TALDO1: variants seen among roughly 807,000 people sequenced by gnomAD.
TALDO1 encodes transaldolase.
In TALDO1, 29 loss-of-function variants were observed where a neutral mutation model predicts 38.1. The observed-to-expected ratio is 0.76, with a 90% CI of 0.57 to 1.04. The LOEUF (loss-of-function observed/expected upper bound fraction) is 1.04, where lower values mean the gene tolerates loss of function less well. TALDO1 is among the 50% of genes least tolerant of loss of function. The probability of loss-of-function intolerance (pLI) is 0.00; values close to 1 mark genes in which losing one functional copy is unlikely to be tolerated. For missense variants in TALDO1, 499 were observed against 438.1 expected (o/e 1.14, Z -1.24); for synonymous variants, 207 against 176.8 (o/e 1.17, Z -1.36).
chr11:756,732 G>A (rs1419803176), intron 2 of TALDO1, among the ~76,000 whole-genome samples: 7 of 152,020 alleles, frequency 4.6e-5, no homozygotes, highest in Non-Finnish European at 1.0e-4. Context: ...TGGCCAGGCC[G>A]GTCTCGAACT....
chr11:753,756 AAT>A (rs1308829766), intron 1 of TALDO1, among the ~76,000 whole-genome samples: 5 of 151,126 alleles, frequency 3.3e-5, no homozygotes, highest in Non-Finnish European at 7.4e-5. Flanking sequence ...CAAGTACAAA[AAT>A]TAGCCAGGCA....
chr11:764,887 G>A lies in TALDO1; in HGVS notation c.*42G>A. 6.2e-7 allele frequency: 1 copy of A among 1,613,578 alleles called. No homozygotes were observed. Among genetic ancestry groups the A allele is most frequent in the Non-Finnish European group, 8.5e-7 (1 of 1,179,932 alleles). Reference sequence around the variant, plus strand: ...GACTCCAGATCTGCACCGCCGGCCAGCTGGGATCTGACTGCACGTGGCTTC... The same window carrying A: ...GACTCCAGATCTGCACCGCCGGCCAACTGGGATCTGACTGCACGTGGCTTC... On this transcript the variant is annotated 3_prime_UTR_variant, in exon 8 of 8. Transcript: ENST00000319006.
chr11:758,008 G>A (rs1444411565), intron 2 of TALDO1, among the ~76,000 whole-genome samples: 1 of 152,258 alleles, frequency 6.6e-6, no homozygotes. Flanking sequence ...CATGGGCCAG[G>A]CGTGGTGGCT....
chr11:764,039 C>G, intron 6 of TALDO1, 95 bp downstream of exon 6: 1 of 1,477,750 alleles, frequency 6.8e-7, no homozygotes, highest in Non-Finnish European at 9.1e-7. Context: ...ACCTGTGGGG[C>G]GAGCTCATCT....
At chr11:748,149 A>T (rs963329034) in intron 1 of TALDO1, among the ~76,000 whole-genome samples, 1 of 152,210 alleles carries the variant, frequency 6.6e-6, no homozygotes, top group African/African-American at 2.4e-5. Context: ...GGTCAGCGAG[A>T]TGCAATTTTG....
At chr11:749,461 T>G (rs1227145265) in intron 1 of TALDO1, among the ~76,000 whole-genome samples, 2 of 151,754 alleles carry the variant, frequency 1.3e-5, no homozygotes, top group Admixed American at 1.3e-4. Context: ...TTAATGAATA[T>G]TAACAAAAAA....
At position 762,801 on chromosome 11, in the gene TALDO1, C is replaced by T. The variant is rs147192540; in HGVS notation, c.462-543C>T. ...CAAGTGGCCTAGTGAGGCCAAGGGGCTCCTCTCAGCAGAAACCAGGGTGCT... is the reference window on the plus strand; with the variant it reads ...CAAGTGGCCTAGTGAGGCCAAGGGGTTCCTCTCAGCAGAAACCAGGGTGCT... On this transcript the variant is annotated intron_variant, in intron 4 of 7. Transcript: ENST00000319006. 9.6e-3 allele frequency among the ~76,000 whole-genome samples: 1,467 copies of T among 152,352 alleles called. 7 individuals carry two copies. The highest frequency in any genetic ancestry group is 0.015 in the Non-Finnish European group (993 of 68,028).
At chr11:759,860 G>GT (rs1862901472) in intron 3 of TALDO1, among the ~76,000 whole-genome samples, 2 of 152,232 alleles carry the variant, frequency 1.3e-5, no homozygotes, top group Non-Finnish European at 2.9e-5. Context: ...GATTACAGGC[G>GT]TGAGCCACGG....
intron 1 of TALDO1, among the ~76,000 whole-genome samples, chr11:755,135 C>CCT (rs1862810737): frequency 1.8e-4 from 11 of 59,650 alleles, no homozygotes; most frequent in African/African-American, 7.5e-4. Flanking sequence ...TCCCCTTGGC[C>CCT]TTTTTTTTTT....
intron 1 of TALDO1, chr11:752,459 G>A (rs1172073521): frequency 6.6e-6 from 1 of 152,276 alleles, no homozygotes; most frequent in East Asian, 1.9e-4. Flanking sequence ...AGGAAGGAAT[G>A]TTGCACGGAG....
chr11:753,355 C>A (rs1459058860), intron 1 of TALDO1, among the ~76,000 whole-genome samples: 4 of 151,922 alleles, frequency 2.6e-5, no homozygotes, highest in African/African-American at 9.7e-5. Context: ...CACGGTGAAA[C>A]CCCATCTCTA....
At position 757,286 on chromosome 11, in the gene TALDO1, C is replaced by CA. The variant is rs201626994; in HGVS notation, c.221+1287dup. Among the ~76,000 whole-genome samples the CA allele has an allele frequency of 3.0e-3, 419 of 141,946 alleles. 3 individuals are homozygous for CA. The highest frequency in any genetic ancestry group is 5.2e-3 in the Admixed American group (72 of 13,968). The allele number at this position is 141,946 out of a possible 152,430, so 93.1% of individuals were successfully genotyped here. On this transcript the variant is annotated intron_variant, in intron 2 of 7. Transcript: ENST00000319006. ...CCCTGCACCCATGTCCAGATGGCCC[C>CA]AAATTTTTTTTTTTTTTTTTTTTTG...
At chr11:758,817 G>C in intron 2 of TALDO1, 133 bp from the exon 3 acceptor site, 4 of 625,030 alleles carry the variant, frequency 6.4e-6, no homozygotes, top group South Asian at 5.6e-5. Flanking sequence ...GTGTTAGCCA[G>C]GATGGTCTTG....
chr11:763,471 C>T lies in TALDO1; in HGVS notation c.589C>T (p.His197Tyr). The T allele has an allele frequency of 6.2e-7, 1 of 1,613,578 alleles. No homozygotes were observed. The highest frequency in any genetic ancestry group is 1.1e-5 in the South Asian group (1 of 91,042). The change falls in exon 5 of 8, where the codon CAT (histidine) becomes TAT (tyrosine). Residue 197 changes from histidine to tyrosine, a missense_variant. Transcript: ENST00000319006. ...SPFVGRILDW[H>Y]VANTDKKSYE... is the part of the protein sequence containing the mutation. ...ATTTGTTGGGCGCATCCTTGATTGG[C>T]ATGTGGCAAACACCGACAAGAAATC...
rs529014552 is a variant in TALDO1 at position 749,947 on chromosome 11, T to C, written c.97+2369T>C. Among the ~76,000 whole-genome samples, 50 of 152,318 alleles carry C rather than the reference T, an allele frequency of 3.3e-4. 1 individual carries two copies. In the South Asian group the frequency reaches 5.6e-3, roughly 17 times the overall value. Reference sequence around the variant, plus strand: ...GTTGCAAAATCAGCCCATACAGTCCTGTGAACCCTTCAACCACTGTCCCCC... The same window carrying C: ...GTTGCAAAATCAGCCCATACAGTCCCGTGAACCCTTCAACCACTGTCCCCC... On this transcript the variant is annotated intron_variant, in intron 1 of 7. Coordinates refer to ENST00000319006, the MANE Select transcript of TALDO1 (RefSeq NM_006755.2).
chr11:759,871 C>T (rs913795982), intron 3 of TALDO1, among the ~76,000 whole-genome samples: 16 of 152,242 alleles, frequency 1.1e-4, no homozygotes, highest in African/African-American at 3.9e-4. Context: ...TGAGCCACGG[C>T]ACCTGGCCCA....
At chr11:755,613 A>G in intron 1 of TALDO1, 1 of 497,062 alleles carries the variant, frequency 2.0e-6, no homozygotes, top group Non-Finnish European at 3.7e-6. Context: ...CGCACCGCTC[A>G]CTCCCATGCT....
At chr11:748,524 C>G (rs1590066405) in intron 1 of TALDO1, among the ~76,000 whole-genome samples, 1 of 152,232 alleles carries the variant, frequency 6.6e-6, no homozygotes, top group Admixed American at 6.5e-5. Flanking sequence ...TTAAGAAAAT[C>G]ATGAAACGCT....
chr11:755,005 A>AAG (rs1001699551), intron 1 of TALDO1, among the ~76,000 whole-genome samples: 18 of 152,166 alleles, frequency 1.2e-4, no homozygotes, highest in African/African-American at 4.3e-4. Context: ...ATTAGTCTTA[A>AAG]AGTTGCAGCA....
Sources: allele counts gnomAD v4.1 joint callset (sites outside exome capture counted in the v4.1 genomes callset), GRCh38; gene constraint gnomAD v4.1.1; transcripts MANE v1.5; gene names NCBI Gene and HGNC (gene_info 2026-07-23, HGNC 2026-07-21).